The following IL1RAPL1 variants were observed in gnomAD, a reference collection of about 807,000 sequenced individuals.
The protein encoded by IL1RAPL1 is interleukin-1 receptor accessory protein-like 1.
A neutral mutation model predicts 48.4 loss-of-function variants in IL1RAPL1; 3 were observed. The ratio of observed to expected loss-of-function variants is 0.06; its 90% CI spans 0.03 to 0.16. IL1RAPL1 has a LOEUF of 0.16. Ranked by LOEUF, IL1RAPL1 falls within the 10% of genes least tolerant of loss-of-function variation. The probability of loss-of-function intolerance (pLI) is 1.00; values close to 1 mark genes in which losing one functional copy is unlikely to be tolerated. For missense variants in IL1RAPL1, 349 were observed against 530.6 expected (o/e 0.66, Z 3.36); for synonymous variants, 185 against 187.7 (o/e 0.99, Z 0.12).
chrX:28,730,176 G>A lies in IL1RAPL1; in HGVS notation c.-24-59144G>A, dbSNP rs1935736875. 2.7e-5 allele frequency among the ~76,000 whole-genome samples: 3 copies of A among 111,364 alleles called. No individual in the cohort carries two copies. The South Asian group carries it at 1.1e-3, about 42-fold the overall frequency. ...ATTGCTCTCTCATCTATTCCTTGAA[G>A]AACTTTAATATTGAAGGAAAACAAT... On this transcript the variant is annotated intron_variant, in intron 1 of 10. Transcript: ENST00000378993.
chrX:29,333,298 C>A (rs1203283339), intron 3 of IL1RAPL1, among the ~76,000 whole-genome samples: 2 of 109,137 alleles, frequency 1.8e-5, no homozygotes, highest in Admixed American at 1.9e-4. Context: ...CCACCATCCT[C>A]CCGGACGGGG....
intron 3 of IL1RAPL1, among the ~76,000 whole-genome samples, chrX:29,334,589 A>G (rs1484659580): frequency 1.5e-3 from 149 of 96,425 alleles, no homozygotes; most frequent in Middle Eastern, 6.7e-3. Flanking sequence ...GGGTTTCCTC[A>G]CTTCTCAGAC....
intron 5 of IL1RAPL1, among the ~76,000 whole-genome samples, chrX:29,411,645 T>G (rs1029562614): frequency 9.0e-6 from 1 of 110,909 alleles, no homozygotes; most frequent in Non-Finnish European, 1.9e-5. Flanking sequence ...GCTGTATTAC[T>G]TCTAGATTTT....
chrX:29,458,780 C>T (rs1475485303), intron 5 of IL1RAPL1, among the ~76,000 whole-genome samples: 1 of 109,012 alleles, frequency 9.2e-6, no homozygotes, highest in Non-Finnish European at 1.9e-5. Flanking sequence ...TCTTGAACTC[C>T]TGGGCTCAAG....
At chrX:28,621,725 T>C (rs898669602) in intron 1 of IL1RAPL1, among the ~76,000 whole-genome samples, 5 of 112,009 alleles carry the variant, frequency 4.5e-5, no homozygotes, top group African/African-American at 1.6e-4. Context: ...TAATATTAAG[T>C]CCTTAAGCAG....
intron 5 of IL1RAPL1, among the ~76,000 whole-genome samples, chrX:29,608,510 T>G (rs1923969799): frequency 9.1e-6 from 1 of 109,512 alleles, no homozygotes; most frequent in South Asian, 3.9e-4. Context: ...GAAAAGAAAA[T>G]AATCTCAAAT....
intron 2 of IL1RAPL1, among the ~76,000 whole-genome samples, chrX:29,101,642 A>G (rs1928340029): frequency 8.9e-6 from 1 of 112,304 alleles, no homozygotes; most frequent in African/African-American, 3.2e-5. Context: ...CACATTAAAA[A>G]GATCATTCAT....
intron 2 of IL1RAPL1, among the ~76,000 whole-genome samples, chrX:29,196,454 A>G (rs1930445787): frequency 8.9e-6 from 1 of 112,228 alleles, no homozygotes; most frequent in Admixed American, 9.5e-5. Context: ...AAGTCAACAC[A>G]TCTAGGCTTA....
intron 6 of IL1RAPL1, among the ~76,000 whole-genome samples, chrX:29,714,969 T>C (rs368969474): frequency 8.9e-6 from 1 of 112,100 alleles, no homozygotes; most frequent in South Asian, 3.7e-4. Flanking sequence ...TGACCACATG[T>C]CTATCCAAAC....
chrX:29,779,604 G>A (rs946950444), intron 6 of IL1RAPL1, among the ~76,000 whole-genome samples: 5 of 110,667 alleles, frequency 4.5e-5, no homozygotes, highest in Non-Finnish European at 9.5e-5. Context: ...TAAAATAAAA[G>A]TTGGAGTGAA....
intron 5 of IL1RAPL1, among the ~76,000 whole-genome samples, chrX:29,427,606 G>T (rs149753128): frequency 1.8e-5 from 2 of 111,388 alleles, no homozygotes; most frequent in African/African-American, 6.5e-5. Context: ...GTCATCACAG[G>T]ACCAGTCAAG....
At chrX:29,557,092 A>G (rs1922027937) in intron 5 of IL1RAPL1, among the ~76,000 whole-genome samples, 1 of 112,186 alleles carries the variant, frequency 8.9e-6, no homozygotes, top group Admixed American at 9.5e-5. Context: ...GCAAATAATA[A>G]GAATCCAAAG....
intron 6 of IL1RAPL1, among the ~76,000 whole-genome samples, chrX:29,885,364 G>C (rs1160376246): frequency 9.0e-6 from 1 of 111,541 alleles, no homozygotes; most frequent in African/African-American, 3.3e-5. Context: ...TCTAACTTTT[G>C]TCTGTCTGTC....
intron 2 of IL1RAPL1, among the ~76,000 whole-genome samples, chrX:29,001,162 A>G (rs368097209): frequency 1.2e-4 from 13 of 112,038 alleles, no homozygotes; most frequent in African/African-American, 3.9e-4. Context: ...CTACAAAATA[A>G]AACATAACCT....
At chrX:29,227,158 T>A (rs970190753) in intron 2 of IL1RAPL1, among the ~76,000 whole-genome samples, 2 of 110,329 alleles carry the variant, frequency 1.8e-5, no homozygotes, top group Non-Finnish European at 3.8e-5. Flanking sequence ...AGAAAATAGA[T>A]CTGAAATGAA....
At chrX:29,535,359 C>T (rs1921196876) in intron 5 of IL1RAPL1, among the ~76,000 whole-genome samples, 1 of 110,445 alleles carries the variant, frequency 9.1e-6, no homozygotes, top group Non-Finnish European at 1.9e-5. Flanking sequence ...AATTGTTTTG[C>T]CTATCTCTGC....
chrX:29,423,371 T>C (rs1934314004), intron 5 of IL1RAPL1, among the ~76,000 whole-genome samples: 1 of 112,238 alleles, frequency 8.9e-6, no homozygotes, highest in Non-Finnish European at 1.9e-5. Context: ...TGGGCATGTA[T>C]TGTCAGGATG....
intron 1 of IL1RAPL1, among the ~76,000 whole-genome samples, chrX:28,744,118 A>G (rs6630745): frequency 0.14 from 15,614 of 108,939 alleles, 2,353 homozygotes; most frequent in African/African-American, 0.44. Flanking sequence ...CATCTTTCTT[A>G]CTTTCATTAC....
At chrX:29,572,333 G>A (rs1262372547) in intron 5 of IL1RAPL1, among the ~76,000 whole-genome samples, 2 of 111,689 alleles carry the variant, frequency 1.8e-5, no homozygotes, top group Non-Finnish European at 3.8e-5. Context: ...AGTTAGCAGT[G>A]TTTGACGTAG....
Sources: allele counts gnomAD v4.1 joint callset (sites outside exome capture counted in the v4.1 genomes callset), GRCh38; gene constraint gnomAD v4.1.1; transcripts MANE v1.5; gene names NCBI Gene and HGNC (gene_info 2026-07-23, HGNC 2026-07-21).